Variants in C2CD3 observed in about 807,000 individuals in gnomAD.
C2CD3 encodes the protein C2 domain-containing protein 3.
In C2CD3, 148 loss-of-function variants were observed where a neutral mutation model predicts 234.0. The observed-to-expected ratio is 0.63, with a 90% CI of 0.55 to 0.72. C2CD3 has a LOEUF of 0.72. Ranked by LOEUF, C2CD3 falls within the 30% of genes least tolerant of loss-of-function variation. C2CD3 has a pLI of 0.00. For missense variants in C2CD3, 2,577 were observed against 2,811.5 expected, an observed-to-expected ratio of 0.92 and a Z score of 1.89; for synonymous variants, 1,000 against 1,035.4, an observed-to-expected ratio of 0.97 and a Z score of 0.66.
intron 3 of C2CD3, among the ~76,000 whole-genome samples, chr11:74,143,139 A>G (rs1854920142): frequency 6.6e-6 from 1 of 152,118 alleles, no homozygotes; most frequent in Non-Finnish European, 1.5e-5. Flanking sequence ...AGAATGTACC[A>G]TATGCTTCTC....
In C2CD3 at chr11:74,036,045, A is replaced by G. The variant is rs1002369566; in HGVS notation, c.5881+1433T>C. 12 of 171,312 alleles carry G rather than the reference A, an allele frequency of 7.0e-5. No individual in the cohort carries two copies. In the East Asian group the frequency reaches 1.7e-3, roughly 24 times the overall value. The allele number at this position is 171,312 out of a possible 1,614,324, so 10.6% of individuals were successfully genotyped here. A position where few individuals can be genotyped will look rare whatever the true frequency, so the allele number is the denominator to read the frequency against. On this transcript the variant is annotated intron_variant, in intron 30 of 32. Coordinates refer to ENST00000334126, the MANE Select transcript of C2CD3 (RefSeq NM_001286577.2). ...CAGCTAAATTTTGTGTTTTTAGTAG[A>G]GATGGGGTTTTGCCATGTTGGCCAG...
chr11:74,049,581 C>T, intron 26 of C2CD3, 39 bp from the exon 27 acceptor site: 2 of 1,519,936 alleles, frequency 1.3e-6, no homozygotes, highest in Non-Finnish European at 1.8e-6. Context: ...TGTGGCTAGG[C>T]ATGTCCTGCC....
intron 3 of C2CD3, among the ~76,000 whole-genome samples, chr11:74,151,829 C>T (rs748728489): frequency 4.9e-4 from 74 of 151,568 alleles, no homozygotes; most frequent in Non-Finnish European, 9.4e-4. Context: ...GCTCCTAATG[C>T]TTAAGGATGT....
At position 74,095,343 on chromosome 11, in the gene C2CD3, C is replaced by T. The variant is rs765490025; in HGVS notation, c.3045G>A (p.Gly1015=). 5.7e-5 allele frequency: 92 copies of T among 1,613,726 alleles called. No homozygotes were observed. Among genetic ancestry groups the T allele is most frequent in the Non-Finnish European group, 7.3e-5 (86 of 1,179,802 alleles). Residue 1015 remains glycine, a synonymous_variant, in exon 17 of 33, where the codon GGG becomes GGA. Transcript: ENST00000334126. The part of the protein sequence containing the change: ...CFEIHIEMVK[G]LAPLQATVWG... ...AGACTGTTGCCTGAAGAGGGGCTAG[C>T]CCTTTAACCATCTCTATATGGATCT...
In C2CD3 at chr11:74,167,363, A is replaced by T. The variant is rs546081714; in HGVS notation, c.325+981T>A. The stretch of plus-strand genomic sequence containing the variant: ...TCTTTTAATCGCACTTACTGCTTTT[A>T]ACCTACTATTAATAACTAAACTTTT... On this transcript the variant is annotated intron_variant, in intron 2 of 32. Coordinates refer to ENST00000334126, the MANE Select transcript of C2CD3 (RefSeq NM_001286577.2). Among the ~76,000 whole-genome samples the T allele has an allele frequency of 2.0e-5, 3 of 152,320 alleles. No individual in the cohort carries two copies. The South Asian group carries it at 6.2e-4, about 32-fold the overall frequency.
chr11:74,057,609 C>T, intron 24 of C2CD3, 65 bp from the exon 25 acceptor site: 2 of 1,532,256 alleles, frequency 1.3e-6, no homozygotes, highest in Non-Finnish European at 1.8e-6. Flanking sequence ...ATTATACAGG[C>T]ACAAGCAGGA....
At position 74,084,953 on chromosome 11, in the gene C2CD3, T is replaced by C. The variant is rs1250008395; in HGVS notation, c.3928A>G (p.Ile1310Val). ...NTKSASDIISIESCKEYLLGV... is the reference protein window; with the variant it reads ...NTKSASDIISVESCKEYLLGV... ...AGCAGATACTCTTTGCATGACTCAA[T>C]ACTGATTATATCACTTGCTGTTAAA... The change falls in exon 22 of 33, where the codon ATT becomes GTT. Residue 1310 changes from isoleucine (I) to valine (V), a missense_variant. Transcript: ENST00000334126. The C allele has an allele frequency of 1.9e-6, 3 of 1,608,350 alleles. No homozygotes were observed. Among genetic ancestry groups the C allele is most frequent in the Non-Finnish European group, 2.6e-6 (3 of 1,175,342 alleles).
At chr11:74,015,414 A>G (rs768181076) in intron 32 of C2CD3, among the ~76,000 whole-genome samples, 1 of 152,172 alleles carries the variant, frequency 6.6e-6, no homozygotes, top group African/African-American at 2.4e-5. Context: ...AAGCTTGTGT[A>G]TATCTTTCTC....
intron 30 of C2CD3, chr11:74,034,578 T>C (rs369844175): frequency 1.1e-5 from 17 of 1,613,856 alleles, no homozygotes; most frequent in Non-Finnish European, 1.4e-5. Context: ...CTGGTGGGCA[T>C]GTTCATGCTT....
At chr11:74,028,869 AT>A (rs1367314745) in intron 31 of C2CD3, among the ~76,000 whole-genome samples, 1 of 152,208 alleles carries the variant, frequency 6.6e-6, no homozygotes, top group East Asian at 1.9e-4. Flanking sequence ...AAAAAGACCT[AT>A]TAGAAGTCAG....
At position 74,078,670 on chromosome 11, in the gene C2CD3, G is replaced by A; in HGVS notation, c.4048C>T (p.Pro1350Ser). 1.9e-6 allele frequency: 3 copies of A among 1,613,458 alleles called. No homozygotes were observed. Among genetic ancestry groups the A allele is most frequent in the Non-Finnish European group, 2.5e-6 (3 of 1,179,686 alleles). Residue 1350 changes from proline to serine, a missense_variant, in exon 23 of 33, where the codon CCT (proline) becomes TCT (serine). Pro to Ser is a moderately conservative substitution (Grantham distance 74). Coordinates refer to ENST00000334126, the MANE Select transcript of C2CD3 (RefSeq NM_001286577.2). ...TTCTGCATGAGCTCCAGGCCATGAG[G>A]TAGGCCCCCGTCTTCTGGTAAAATG... ...PIILPEDGGL[P>S]HGLELMQKIV...
At chr11:74,160,674 C>T (rs1856397028) in intron 3 of C2CD3, among the ~76,000 whole-genome samples, 1 of 152,164 alleles carries the variant, frequency 6.6e-6, no homozygotes. Context: ...TTCTATTGTA[C>T]AGTTGGGTGA....
chr11:74,168,752 C>G, intron 1 of C2CD3, 139 bp from the exon 2 acceptor site: 2 of 742,952 alleles, frequency 2.7e-6, no homozygotes, highest in Non-Finnish European at 4.4e-6. Flanking sequence ...GAAGGTTTAT[C>G]CTACCCATTA....
intron 5 of C2CD3, among the ~76,000 whole-genome samples, chr11:74,135,503 C>A (rs1957833071): frequency 6.6e-6 from 1 of 152,088 alleles, no homozygotes. Flanking sequence ...ATCATATTAA[C>A]CTTTTAAAGC....
At chr11:74,053,037 C>A (rs1166727536) in intron 26 of C2CD3, among the ~76,000 whole-genome samples, 1 of 152,114 alleles carries the variant, frequency 6.6e-6, no homozygotes, top group African/African-American at 2.4e-5. Context: ...GGTTAGAAGT[C>A]CTCATCACCT....
In C2CD3 at chr11:74,161,270, G is replaced by C. The variant is rs1199371459; in HGVS notation, c.483+129C>G. ...AGTAGGTCTACTGGGTAAAAACATG[G>C]GCAAAGGCATGAGGTGGAAATTAGC... On this transcript the variant is annotated intron_variant, in intron 3 of 32. Coordinates refer to ENST00000334126, the MANE Select transcript of C2CD3 (RefSeq NM_001286577.2). 5.9e-6 allele frequency: 3 copies of C among 510,614 alleles called. No homozygotes were observed. The African/African-American group carries it at 6.0e-5, about 10-fold the overall frequency. 31.6% of individuals were successfully genotyped at this position (510,614 alleles called of 1,614,324 possible).
intron 25 of C2CD3, among the ~76,000 whole-genome samples, chr11:74,055,141 A>G (rs1207481212): frequency 6.6e-6 from 1 of 152,224 alleles, no homozygotes; most frequent in East Asian, 1.9e-4. Context: ...AGCCTATAAC[A>G]TGGACATTAT....
intron 8 of C2CD3, among the ~76,000 whole-genome samples, chr11:74,119,320 GGCT>G (rs1957135167): frequency 6.6e-6 from 1 of 152,058 alleles, no homozygotes; most frequent in Non-Finnish European, 1.5e-5. Flanking sequence ...GAGAACCAAT[GGCT>G]AAGCCCCTTG....
At chr11:74,041,957 G>A in intron 29 of C2CD3, 97 bp downstream of exon 29, 2 of 1,230,790 alleles carry the variant, frequency 1.6e-6, no homozygotes, top group East Asian at 2.4e-5. Flanking sequence ...TCCTAGGGCG[G>A]TGGCAGGTGA....
Sources: allele counts gnomAD v4.1 joint callset (sites outside exome capture counted in the v4.1 genomes callset), GRCh38; gene constraint gnomAD v4.1.1; transcripts MANE v1.5; gene names NCBI Gene and HGNC (gene_info 2026-07-23, HGNC 2026-07-21).